Variants in AP1B1 observed in about 807,000 individuals in gnomAD.
AP1B1 encodes the protein adaptor related protein complex 1 subunit beta 1.
Under a neutral mutation model 104.3 loss-of-function variants are expected in AP1B1, and 36 were observed. The observed-to-expected ratio is 0.35, with a 90% CI of 0.26 to 0.46. The LOEUF (loss-of-function observed/expected upper bound fraction) is 0.46, where lower values mean the gene tolerates loss of function less well. AP1B1 is among the 20% of genes least tolerant of loss of function. The pLI is 1.00. For missense variants in AP1B1, 901 were observed against 1,247.9 expected (o/e 0.72, Z 4.19); for synonymous variants, 504 against 517.5 (o/e 0.97, Z 0.35).
intron 22 of AP1B1, 118 bp downstream of exon 22, chr22:29,329,594 C>G: frequency 2.6e-6 from 4 of 1,552,372 alleles, no homozygotes; most frequent in South Asian, 2.5e-5. Context: ...GCTGAAGCCC[C>G]CCGGGTGAGG....
intron 4 of AP1B1, chr22:29,359,533 T>C: frequency 3.0e-6 from 1 of 335,322 alleles, no homozygotes; most frequent in Non-Finnish European, 5.4e-6. Context: ...CTCGGGCACC[T>C]GCTGATTCCT....
In AP1B1 at chr22:29,342,332, T is replaced by C; in HGVS notation, c.1489A>G (p.Thr497Ala). 6.2e-7 allele frequency: 1 copy of C among 1,614,154 alleles called. No homozygotes were observed. Among genetic ancestry groups the C allele is most frequent in the Non-Finnish European group, 8.5e-7 (1 of 1,180,006 alleles). The change falls in exon 12 of 23, where the codon ACA becomes GCA. Residue 497 changes from threonine (T) to alanine (A), a missense_variant. This residue lies in a region of AP1B1 where 471 missense variants were observed against 696.7 expected (regional missense o/e 0.68). Transcript: ENST00000357586. Reference sequence around the variant, plus strand: ...TGCTGCACCAGCTCCTGGGTCTCTGTTGGCTTCTTTAGAAAGAGTTTCACA... The same window carrying C: ...TGCTGCACCAGCTCCTGGGTCTCTGCTGGCTTCTTTAGAAAGAGTTTCACA... Reference protein sequence around the residue: ...AIVKLFLKKPTETQELVQQVL... With the variant: ...AIVKLFLKKPAETQELVQQVL...
chr22:29,370,452 C>CAAAAAAAA (rs747171000), intron 1 of AP1B1: 2 of 56,188 alleles, frequency 3.6e-5, no homozygotes, highest in Admixed American at 1.9e-4. Context: ...GACTCAGTCT[C>CAAAAAAAA]AAAAAAAAAA....
intron 1 of AP1B1, among the ~76,000 whole-genome samples, chr22:29,382,603 G>T (rs926020865): frequency 1.3e-5 from 2 of 152,138 alleles, no homozygotes; most frequent in African/African-American, 2.4e-5. Context: ...AAAGAGGAGG[G>T]AAGGAGGATA....
Position 29,330,659 on chromosome 22 carries a change from C to T in AP1B1, c.2575G>A (p.Ala859Thr). The T allele has an allele frequency of 2.5e-6, 4 of 1,613,866 alleles. No individual in the cohort carries two copies. Among genetic ancestry groups the T allele is most frequent in the Non-Finnish European group, 3.4e-6 (4 of 1,180,012 alleles). The change falls in exon 20 of 23, where the codon GCC becomes ACC. Residue 859 changes from alanine (A) to threonine (T), a missense_variant. Ala to Thr is a moderately conservative substitution (Grantham distance 58). Coordinates refer to ENST00000357586, the MANE Select transcript of AP1B1 (RefSeq NM_001127.4). ...GGGCAGTCTCTGATCTGGAACTGGG[C>T]CTCATTCTCATTGGGAATATCCTTC... ...TWKDIPNENEAQFQIRDCPLN... is the reference protein window; with the variant it reads ...TWKDIPNENETQFQIRDCPLN...
At chr22:29,371,530 G>A (rs1269771355) in intron 1 of AP1B1, among the ~76,000 whole-genome samples, 1 of 152,120 alleles carries the variant, frequency 6.6e-6, no homozygotes, top group Admixed American at 6.5e-5. Context: ...AGGAGATCGA[G>A]ACCATCCTGG....
At position 29,358,834 on chromosome 22, in the gene AP1B1, C is replaced by G; in HGVS notation, c.417G>C (p.Lys139Asn). The G allele has an allele frequency of 6.2e-7, 1 of 1,614,252 alleles. No homozygotes were observed. The highest frequency in any genetic ancestry group is 8.5e-7 in the Non-Finnish European group (1 of 1,180,046). Residue 139 changes from lysine (K) to asparagine (N), a missense_variant, in exon 5 of 23, where the codon AAG (lysine) becomes AAC (asparagine). Around this residue, in one of 3 missense-constraint regions of AP1B1, gnomAD observed 471 missense variants for 696.7 expected, o/e 0.68. Transcript: ENST00000357586. Reference sequence around the variant, plus strand: ...GCTTGGCCACGCACACAGCTGCTGTCTTGCGCACATATGGATCCTCGTCCT... The same window carrying G: ...GCTTGGCCACGCACACAGCTGCTGTGTTGCGCACATATGGATCCTCGTCCT... ...CLKDEDPYVRKTAAVCVAKLH... is the reference protein window; with the variant it reads ...CLKDEDPYVRNTAAVCVAKLH...
In AP1B1 at chr22:29,368,478, CTA is replaced by C. The variant is rs141319385; in HGVS notation, c.-27-1210_-27-1209del. ...TACCCTAGATACATTTATTAAGAAT[CTA>C]TCATTTACTGAGCCCCTATTAAAGG... On this transcript the variant is annotated intron_variant, in intron 1 of 22. Coordinates refer to ENST00000357586, the MANE Select transcript of AP1B1 (RefSeq NM_001127.4). Among the ~76,000 whole-genome samples the C allele has an allele frequency of 2.2e-3, 330 of 152,342 alleles. 1 individual carries two copies. Among genetic ancestry groups the C allele is most frequent in the Middle Eastern group, 0.02 (6 of 294 alleles).
intron 1 of AP1B1, among the ~76,000 whole-genome samples, chr22:29,377,649 C>G (rs939633281): frequency 1.3e-5 from 2 of 151,658 alleles, no homozygotes; most frequent in African/African-American, 4.8e-5. Context: ...CTCTACTAAA[C>G]ATACAAAAAA....
intron 19 of AP1B1, 45 bp from the exon 20 acceptor site, chr22:29,330,754 ACCTGTGGGC>A (rs2061545716): frequency 6.5e-7 from 1 of 1,530,034 alleles, no homozygotes; most frequent in African/African-American, 1.4e-5. Context: ...CCCCTCATAA[ACCTGTGGGC>A]CCTCTGTAGC....
Position 29,330,724 on chromosome 22 carries a change from G to T in AP1B1, c.2525-15C>A. On this transcript the variant is annotated splice_polypyrimidine_tract_variant and intron_variant, in intron 19 of 22. Coordinates refer to ENST00000357586, the MANE Select transcript of AP1B1 (RefSeq NM_001127.4). ...CATCTGCCGGTCTGCGGGGTGAGCAGGGTGGGGATGAGAGGCGAGCCCCTC... is the reference window on the plus strand; with the variant it reads ...CATCTGCCGGTCTGCGGGGTGAGCATGGTGGGGATGAGAGGCGAGCCCCTC... 1 of 1,606,798 alleles carries T rather than the reference G, an allele frequency of 6.2e-7. No homozygotes were observed.
intron 1 of AP1B1, among the ~76,000 whole-genome samples, chr22:29,386,971 G>A (rs966020262): frequency 4.6e-5 from 7 of 152,194 alleles, no homozygotes; most frequent in African/African-American, 1.7e-4. Context: ...CTTCCTCTGG[G>A]TACCTTCTTC....
In AP1B1 at chr22:29,365,584, C is replaced by T. The variant is rs573761335; in HGVS notation, c.37+1623G>A. On this transcript the variant is annotated intron_variant, in intron 2 of 22. Coordinates refer to ENST00000357586, the MANE Select transcript of AP1B1 (RefSeq NM_001127.4). Reference sequence around the variant, plus strand: ...GCTCACCAGGCTCCACAAGACTGATCCCTGCGTACCTCTCCAATTGCTTTC... The same window carrying T: ...GCTCACCAGGCTCCACAAGACTGATTCCTGCGTACCTCTCCAATTGCTTTC... 2.0e-5 allele frequency among the ~76,000 whole-genome samples: 3 copies of T among 152,330 alleles called. No homozygotes were observed. The East Asian group carries it at 5.8e-4, about 29-fold the overall frequency.
chr22:29,386,929 G>A (rs1018867386), intron 1 of AP1B1, among the ~76,000 whole-genome samples: 1 of 152,196 alleles, frequency 6.6e-6, no homozygotes, highest in Admixed American at 6.5e-5. Context: ...AGAAGCCATG[G>A]GGCCTGCATA....
At chr22:29,329,278 C>A (rs1166997331) in intron 22 of AP1B1, 2 of 1,148,084 alleles carry the variant, frequency 1.7e-6, no homozygotes, top group Non-Finnish European at 2.2e-6. Context: ...CGAGGGGGTG[C>A]GGAGGGCTGG....
At chr22:29,351,103 T>C in intron 9 of AP1B1, 68 bp downstream of exon 9, 1 of 1,465,144 alleles carries the variant, frequency 6.8e-7, no homozygotes, top group South Asian at 1.2e-5. Context: ...TCTGCTTGAA[T>C]CAGACTGGTT....
intron 17 of AP1B1, among the ~76,000 whole-genome samples, chr22:29,332,972 C>T (rs1169487440): frequency 2.0e-5 from 3 of 152,216 alleles, no homozygotes; most frequent in Non-Finnish European, 4.4e-5. Context: ...CTCCCAAAGC[C>T]GGTGCCACAG....
At chr22:29,384,516 C>G (rs1456520192) in intron 1 of AP1B1, among the ~76,000 whole-genome samples, 1 of 152,210 alleles carries the variant, frequency 6.6e-6, no homozygotes, top group African/African-American at 2.4e-5. Flanking sequence ...CAACTATGTA[C>G]CAGACACCTC....
chr22:29,376,085 G>A (rs1470992026), intron 1 of AP1B1, among the ~76,000 whole-genome samples: 2 of 152,090 alleles, frequency 1.3e-5, no homozygotes, highest in East Asian at 1.9e-4. Context: ...ATCATTCTAA[G>A]AACATGACAT....
Sources: gnomAD v4.1 joint callset for allele counts (sites outside exome capture counted in the v4.1 genomes callset) on GRCh38, gnomAD v4.1.1 for gene constraint, gnomAD v4.1.1 regional missense constraint, MANE v1.5 for transcripts, NCBI Gene and HGNC (gene_info 2026-07-23, HGNC 2026-07-21) for gene names.